SYT1: variants seen among roughly 807,000 people sequenced by gnomAD.
SYT1 encodes the protein synaptotagmin-1.
In SYT1, 8 loss-of-function variants were observed where a neutral mutation model predicts 44.8. The observed-to-expected ratio is 0.18, with a 90% CI of 0.10 to 0.32. The LOEUF (loss-of-function observed/expected upper bound fraction) is 0.32. Ranked by LOEUF, SYT1 falls within the 10% of genes least tolerant of loss-of-function variation. SYT1 has a pLI of 1.00. For missense variants in SYT1, 286 were observed against 509.3 expected (o/e 0.56, Z 4.22); for synonymous variants, 154 against 188.8 (o/e 0.82, Z 1.51).
At chr12:79,334,617 C>T (rs1240223453) in intron 8 of SYT1, among the ~76,000 whole-genome samples, 1 of 152,152 alleles carries the variant, frequency 6.6e-6, no homozygotes. Context: ...TGCACGCATC[C>T]GCTCTCCTTG....
chr12:79,407,188 C>T (rs1326650977), intron 9 of SYT1, among the ~76,000 whole-genome samples: 1 of 152,028 alleles, frequency 6.6e-6, no homozygotes. Flanking sequence ...CACTAGAACT[C>T]CCCCGGGATG....
intron 1 of SYT1, among the ~76,000 whole-genome samples, chr12:78,973,938 AATATATATATATAT>A (rs869290804): frequency 0.013 from 333 of 24,936 alleles, 1 homozygote; most frequent in South Asian, 0.019. Context: ...AAAAAAAAAA[AATATATATATATAT>A]ATATATATAT....
At chr12:79,313,618 A>C (rs1038113587) in intron 8 of SYT1, among the ~76,000 whole-genome samples, 2 of 145,128 alleles carry the variant, frequency 1.4e-5, no homozygotes, top group Non-Finnish European at 3.0e-5. Context: ...AAAAAAAAAA[A>C]CAAAATAAAA....
chr12:79,305,167 CA>C (rs1369535842), intron 8 of SYT1, among the ~76,000 whole-genome samples: 2 of 152,114 alleles, frequency 1.3e-5, no homozygotes, highest in African/African-American at 4.8e-5. Flanking sequence ...ACTTTTCAGG[CA>C]GAGGTAAAAG....
chr12:79,075,240 A>T (rs775301910), intron 3 of SYT1, among the ~76,000 whole-genome samples: 4 of 152,142 alleles, frequency 2.6e-5, no homozygotes. Context: ...CTTGAATTTC[A>T]TAGTGAATTT....
chr12:79,397,420 A>C (rs1242153675), intron 9 of SYT1, among the ~76,000 whole-genome samples: 1 of 151,504 alleles, frequency 6.6e-6, no homozygotes, highest in Non-Finnish European at 1.5e-5. Context: ...TAGAGAGGGG[A>C]GTCTCCCTAT....
chr12:79,080,175 A>G (rs1456996320), intron 3 of SYT1, among the ~76,000 whole-genome samples: 1 of 152,144 alleles, frequency 6.6e-6, no homozygotes, highest in Non-Finnish European at 1.5e-5. Context: ...TTGGTCCTAT[A>G]GGAAAACAGC....
intron 3 of SYT1, among the ~76,000 whole-genome samples, chr12:79,111,163 C>T (rs1212624544): frequency 6.6e-6 from 1 of 152,000 alleles, no homozygotes; most frequent in Non-Finnish European, 1.5e-5. Flanking sequence ...TATATGTCAG[C>T]GTGATCTAGC....
rs544934644 is a variant in SYT1 at position 79,309,668 on chromosome 12, T to A, written c.810+10117T>A. On this transcript the variant is annotated intron_variant, in intron 8 of 10. Transcript: ENST00000261205. ...GTAAATGTTGAATTCTAGGCTCCGA[T>A]AATCACTGTCAACAGAAGATCAAGC... Among the ~76,000 whole-genome samples, 3 of 152,352 alleles carry A rather than the reference T, an allele frequency of 2.0e-5. No individual in the cohort carries two copies. In the East Asian group the frequency reaches 5.8e-4, roughly 29 times the overall value.
intron 1 of SYT1, among the ~76,000 whole-genome samples, chr12:78,876,877 T>C (rs74221779): frequency 0.5 from 26,823 of 53,362 alleles, 8,287 homozygotes; most frequent in Admixed American, 0.62. Flanking sequence ...ATATATTATA[T>C]GTATTATATA....
intron 7 of SYT1, among the ~76,000 whole-genome samples, chr12:79,296,731 A>AT (rs1879891781): frequency 6.6e-6 from 1 of 152,120 alleles, no homozygotes; most frequent in Non-Finnish European, 1.5e-5. Context: ...ATATGAACAT[A>AT]TTTTTTATTG....
At chr12:79,049,572 C>CTTATCG (rs1874318223) in intron 3 of SYT1, among the ~76,000 whole-genome samples, 1 of 151,894 alleles carries the variant, frequency 6.6e-6, no homozygotes, top group Non-Finnish European at 1.5e-5. Flanking sequence ...ATTGTCAAAA[C>CTTATCG]ATAAGAGTTC....
intron 3 of SYT1, among the ~76,000 whole-genome samples, chr12:79,054,510 A>C (rs1565784390): frequency 6.6e-6 from 1 of 152,016 alleles, no homozygotes. Flanking sequence ...AAATAACAAT[A>C]CAGTGGACAT....
At chr12:79,358,156 T>A (rs74778087) in intron 9 of SYT1, among the ~76,000 whole-genome samples, 3,824 of 152,280 alleles carry the variant, frequency 0.025, 65 homozygotes, top group East Asian at 0.1. Flanking sequence ...ATGAGGAATG[T>A]CAACACTGTA....
At chr12:79,383,933 T>C (rs1884326169) in intron 9 of SYT1, among the ~76,000 whole-genome samples, 1 of 152,194 alleles carries the variant, frequency 6.6e-6, no homozygotes, top group Non-Finnish European at 1.5e-5. Flanking sequence ...TCCTTGATCA[T>C]ACCTATTATT....
chr12:79,064,975 A>AGAAAGAAAGAAAGAAAGAAAGAAGGAAG (rs1875711991), intron 3 of SYT1, among the ~76,000 whole-genome samples: 5 of 149,202 alleles, frequency 3.4e-5, no homozygotes, highest in African/African-American at 1.0e-4. Context: ...AAAGAAAGAA[A>AGAAAGAAAGAAAGAAAGAAAGAAGGAAG]GAAAGAAAGA....
intron 4 of SYT1, among the ~76,000 whole-genome samples, chr12:79,275,719 C>A (rs1014218869): frequency 6.6e-6 from 1 of 152,186 alleles, no homozygotes; most frequent in Non-Finnish European, 1.5e-5. Context: ...ATTTACCCAG[C>A]TGCTTCAGCC....
At chr12:78,982,752 C>G (rs1869357600) in intron 2 of SYT1, among the ~76,000 whole-genome samples, 1 of 152,142 alleles carries the variant, frequency 6.6e-6, no homozygotes, top group African/African-American at 2.4e-5. Flanking sequence ...GATGCTATAT[C>G]ATAGTTATAC....
At position 79,406,723 on chromosome 12, in the gene SYT1, C is replaced by G. The variant is rs182679862; in HGVS notation, c.929-37350C>G. On this transcript the variant is annotated intron_variant, in intron 9 of 10. Transcript: ENST00000261205. ...TTCTGCTACTTGATAGTGGTGTAAT[C>G]TTGGGGAAGTGCTTAAATTCTCTGT... is the stretch of plus-strand genomic sequence containing the variant. Among the ~76,000 whole-genome samples the G allele has an allele frequency of 2.0e-3, 311 of 152,196 alleles. 5 individuals are homozygous for G. The highest frequency in any genetic ancestry group is 0.019 in the Admixed American group (291 of 15,250).
Sources: gnomAD v4.1 joint callset for allele counts (sites outside exome capture counted in the v4.1 genomes callset) on GRCh38, gnomAD v4.1.1 for gene constraint, MANE v1.5 for transcripts, NCBI Gene and HGNC (gene_info 2026-07-23, HGNC 2026-07-21) for gene names.